Variants in COL4A5 observed in about 807,000 individuals in gnomAD.
COL4A5 encodes collagen alpha-5(IV) chain.
COL4A5 carries 26 observed loss-of-function variants against 130.2 expected under a neutral mutation model. The observed-to-expected ratio is 0.20, with a 90% CI of 0.15 to 0.28. The LOEUF (loss-of-function observed/expected upper bound fraction) is 0.28, where lower values mean the gene tolerates loss of function less well. Among genes scored for constraint, COL4A5 ranks in the 10% least tolerant of loss-of-function variants. The pLI, the probability that COL4A5 is intolerant of heterozygous loss-of-function variation, is 1.00. For missense variants in COL4A5, 1,131 were observed against 1,344.3 expected (o/e 0.84, Z 2.48); for synonymous variants, 496 against 439.6 (o/e 1.13, Z -1.60).
chrX:108,651,955 C>T (rs1229877381), intron 36 of COL4A5, among the ~76,000 whole-genome samples: 1 of 111,500 alleles, frequency 9.0e-6, no homozygotes, highest in Non-Finnish European at 1.9e-5. Flanking sequence ...AATGGTTGCT[C>T]AATGGATATA....
rs971966005 is a variant in COL4A5, at chrX:108,597,406, C to A, written c.1617C>A (p.Gly539=). The A allele has an allele frequency of 8.3e-7, 1 of 1,207,600 alleles. No homozygotes were observed. The highest frequency in any genetic ancestry group is 1.1e-6 in the Non-Finnish European group (1 of 894,150). The change falls in exon 24 of 53, where the codon GGC becomes GGA. Residue 539 remains glycine, a synonymous_variant. Transcript: ENST00000328300. The stretch of plus-strand genomic sequence containing the variant: ...TTCCAGGAGCTCCAGGTGCTCCAGG[C>A]TTTCCTGGATCTAAAGGTGAACCTG... ...PGIPGAPGAP[G]FPGSKGEPGD... is the part of the protein sequence containing the mutation.
intron 25 of COL4A5, among the ~76,000 whole-genome samples, chrX:108,600,188 T>C (rs1459842865): frequency 8.9e-6 from 1 of 112,175 alleles, no homozygotes; most frequent in Non-Finnish European, 1.9e-5. Context: ...GGATTATTTC[T>C]TTTTTTATTG....
chrX:108,603,596 T>C (rs1424294290), intron 28 of COL4A5, among the ~76,000 whole-genome samples: 2 of 112,148 alleles, frequency 1.8e-5, no homozygotes, highest in Non-Finnish European at 3.8e-5. Flanking sequence ...GGGAGGGTTT[T>C]GACTCAATAT....
In COL4A5 at chrX:108,467,527, C is replaced by G. The variant is rs775609608; in HGVS notation, c.81+27321C>G. On this transcript the variant is annotated intron_variant, in intron 1 of 52. Coordinates refer to ENST00000328300, the MANE Select transcript of COL4A5 (RefSeq NM_033380.3). ...AATTTGAAGATTGACTTTACTATTA[C>G]TCTTTCTGCATAAAAGGCTGTTCAA... Among the ~76,000 whole-genome samples, 22 of 111,751 alleles carry G rather than the reference C, an allele frequency of 2.0e-4. No homozygotes were observed. The Admixed American group carries it at 2.1e-3, about 11-fold the overall frequency.
At chrX:108,557,085 TA>T (rs1429279826) in intron 2 of COL4A5, among the ~76,000 whole-genome samples, 1 of 111,361 alleles carries the variant, frequency 9.0e-6, no homozygotes, top group Non-Finnish European at 1.9e-5. Context: ...TCTGAGAAAA[TA>T]TGGCTTTCTT....
At chrX:108,531,572 G>A (rs1277035405) in intron 1 of COL4A5, among the ~76,000 whole-genome samples, 2 of 109,084 alleles carry the variant, frequency 1.8e-5, no homozygotes, top group African/African-American at 6.6e-5. Flanking sequence ...AAACCAAATC[G>A]AAAGTTAGCA....
intron 1 of COL4A5, among the ~76,000 whole-genome samples, chrX:108,469,541 A>G (rs976237365): frequency 9.1e-6 from 1 of 110,463 alleles, no homozygotes; most frequent in Non-Finnish European, 1.9e-5. Flanking sequence ...TTCTCCCTTT[A>G]TTTTTTAGTT....
chrX:108,510,601 G>A (rs2065171555), intron 1 of COL4A5, among the ~76,000 whole-genome samples: 3 of 110,741 alleles, frequency 2.7e-5, no homozygotes, highest in Non-Finnish European at 3.8e-5. Flanking sequence ...CACCATAGTC[G>A]GATGAATATT....
At chrX:108,549,730 A>G (rs2065721835) in intron 2 of COL4A5, among the ~76,000 whole-genome samples, 1 of 111,503 alleles carries the variant, frequency 9.0e-6, no homozygotes, top group Admixed American at 9.6e-5. Context: ...ATAAAGACAA[A>G]AGTAACAATA....
chrX:108,676,484 G>A (rs1222908254), intron 43 of COL4A5, among the ~76,000 whole-genome samples: 1 of 111,497 alleles, frequency 9.0e-6, no homozygotes, highest in South Asian at 3.7e-4. Context: ...TTCAGAAAAA[G>A]AAATTAAAAA....
rs773248527 is a variant in COL4A5, at chrX:108,677,523, C to T, written c.3832C>T (p.Pro1278Ser). 2 of 1,207,872 alleles carry T rather than the reference C, an allele frequency of 1.7e-6. No individual in the cohort carries two copies. The highest frequency in any genetic ancestry group is 2.2e-6 in the Non-Finnish European group (2 of 893,529). ...AGGTCTACCAGGTCCAGAAGGTCCTCCAGGTCTCCCTGGAAATGGAGGTAT... is the reference window on the plus strand; with the variant it reads ...AGGTCTACCAGGTCCAGAAGGTCCTTCAGGTCTCCCTGGAAATGGAGGTAT... ...FQGLPGPEGPPGLPGNGGIKG... is the reference protein window; with the variant it reads ...FQGLPGPEGPSGLPGNGGIKG... The change falls in exon 44 of 53, where the codon CCA becomes TCA. Residue 1278 changes from proline (P) to serine (S), a missense_variant. Physicochemically the swap from Pro to Ser is moderately conservative, Grantham distance 74 (BLOSUM62 -1). Coordinates refer to ENST00000328300, the MANE Select transcript of COL4A5 (RefSeq NM_033380.3).
At chrX:108,591,260 C>T (rs776954729) in intron 20 of COL4A5, 29 bp downstream of exon 20, 1 of 1,181,584 alleles carries the variant, frequency 8.5e-7, no homozygotes, top group African/African-American at 1.8e-5. Context: ...CTATTAAGTT[C>T]TATTTTTGTT....
intron 36 of COL4A5, among the ~76,000 whole-genome samples, chrX:108,629,904 C>T (rs934039305): frequency 3.3e-4 from 37 of 110,628 alleles, no homozygotes; most frequent in African/African-American, 1.1e-3. Flanking sequence ...TGAGAACATG[C>T]GGTGTTCGGT....
intron 36 of COL4A5, among the ~76,000 whole-genome samples, chrX:108,639,006 A>G (rs1352326087): frequency 9.0e-6 from 1 of 111,448 alleles, no homozygotes; most frequent in Non-Finnish European, 1.9e-5. Context: ...TGCAACGCCT[A>G]TCAAAACTCC....
intron 2 of COL4A5, among the ~76,000 whole-genome samples, chrX:108,549,759 T>G (rs1002030663): frequency 9.1e-6 from 1 of 110,156 alleles, no homozygotes; most frequent in Non-Finnish European, 1.9e-5. Flanking sequence ...ACAAAAAAAA[T>G]AGAAAACACA....
At chrX:108,686,456 C>A (rs1200802264) in intron 48 of COL4A5, among the ~76,000 whole-genome samples, 1 of 112,207 alleles carries the variant, frequency 8.9e-6, no homozygotes, top group Non-Finnish European at 1.9e-5. Context: ...GTGAATATTT[C>A]CACATTTGAA....
intron 1 of COL4A5, among the ~76,000 whole-genome samples, chrX:108,526,737 C>T (rs1309236005): frequency 2.3e-5 from 2 of 88,186 alleles, no homozygotes; most frequent in African/African-American, 8.4e-5. Flanking sequence ...TCCTCCTCCT[C>T]CTCCTTCTTC....
intron 29 of COL4A5, among the ~76,000 whole-genome samples, chrX:108,612,591 C>T (rs982641112): frequency 9.0e-6 from 1 of 111,170 alleles, no homozygotes; most frequent in Non-Finnish European, 1.9e-5. Flanking sequence ...TGCATAGGTC[C>T]AACAAAAATG....
chrX:108,624,703 T>C (rs1041307098), intron 34 of COL4A5, among the ~76,000 whole-genome samples: 32 of 112,138 alleles, frequency 2.9e-4, no homozygotes, highest in African/African-American at 1.0e-3. Context: ...CTTTTTTTTC[T>C]TTCTGCCTTT....
Sources: gnomAD v4.1 joint callset for allele counts (sites outside exome capture counted in the v4.1 genomes callset) on GRCh38, gnomAD v4.1.1 for gene constraint, MANE v1.5 for transcripts, NCBI Gene and HGNC (gene_info 2026-07-23, HGNC 2026-07-21) for gene names.